The following GRIN2A variants were observed in gnomAD, a reference collection of about 807,000 sequenced individuals.
GRIN2A encodes the protein glutamate receptor ionotropic, NMDA 2A.
Under a neutral mutation model 113.4 loss-of-function variants are expected in GRIN2A, and 22 were observed. The ratio of observed to expected loss-of-function variants is 0.19; its 90% CI spans 0.14 to 0.28. GRIN2A has a LOEUF of 0.28. Ranked by LOEUF, GRIN2A falls within the 10% of genes least tolerant of loss-of-function variation. GRIN2A has a pLI of 1.00. For synonymous variants in GRIN2A, 827 were observed against 738.4 expected (o/e 1.12, Z -1.94); for missense variants, 1,502 against 1,887.0 (o/e 0.80, Z 3.78).
intron 2 of GRIN2A, among the ~76,000 whole-genome samples, chr16:10,014,970 C>G (rs1379589955): frequency 1.3e-5 from 2 of 151,914 alleles, no homozygotes; most frequent in African/African-American, 4.8e-5. Context: ...TAAGAAATAA[C>G]TGGACAGGTG....
rs1900450310 is a variant in GRIN2A, at chr16:9,758,525, C to G, written c.*4624G>C. 1 of 212,876 alleles carries G rather than the reference C, an allele frequency of 4.7e-6. No individual in the cohort carries two copies. Among genetic ancestry groups the G allele is most frequent in the Admixed American group, 5.9e-5 (1 of 17,014 alleles). The allele number at this position is 212,876 out of a possible 1,614,324, so 13.2% of individuals were successfully genotyped here. ...AGAATGGGTTTTCCATGTGTTAATA[C>G]CATCATCACCATTTAATTTTTAACA... On this transcript the variant is annotated 3_prime_UTR_variant, in exon 13 of 13. Transcript: ENST00000330684.
chr16:9,916,398 T>G (rs1010431462), intron 3 of GRIN2A, among the ~76,000 whole-genome samples: 12 of 152,156 alleles, frequency 7.9e-5, no homozygotes, highest in Admixed American at 7.9e-4. Flanking sequence ...GAGTAGGAGC[T>G]TTTCATACAC....
intron 2 of GRIN2A, among the ~76,000 whole-genome samples, chr16:10,086,890 G>T (rs1470803300): frequency 6.6e-6 from 1 of 152,178 alleles, no homozygotes; most frequent in Non-Finnish European, 1.5e-5. Context: ...CTAGCTGGAT[G>T]ATCCAGAATG....
chr16:9,891,033 G>A lies in GRIN2A; in HGVS notation c.1075C>T (p.Pro359Ser), dbSNP rs1465126724. The A allele has an allele frequency of 6.2e-7, 1 of 1,613,304 alleles. No individual in the cohort carries two copies. Among genetic ancestry groups the A allele is most frequent in the African/African-American group, 1.3e-5 (1 of 75,000 alleles). ...TTCAGCACAATCACCACCAGCCTGG[G>A]GTGCACCTGGTAGCCTTCCTCAGTG... ...SFTEEGYQVH[P>S]RLVVIVLNKD... Residue 359 changes from proline to serine, a missense_variant, in exon 4 of 13, where the codon CCC (proline) becomes TCC (serine). By Grantham distance (74) the Pro-to-Ser change is moderately conservative. Around this residue, in one of 7 missense-constraint regions of GRIN2A, gnomAD observed 334 missense variants for 403.0 expected, o/e 0.83. Coordinates refer to ENST00000330684, the MANE Select transcript of GRIN2A (RefSeq NM_001134407.3).
Position 9,755,874 on chromosome 16 carries a change from A to G in GRIN2A, c.*7275T>C, listed in dbSNP as rs1900332049. On this transcript the variant is annotated 3_prime_UTR_variant, in exon 13 of 13. Coordinates refer to ENST00000330684, the MANE Select transcript of GRIN2A (RefSeq NM_001134407.3). ...GGAAAAGAAAAAAAAAAAGGAACAG[A>G]CCAAGAAGGAAAACAACAACAACAT... The G allele has an allele frequency of 4.9e-6, 1 of 205,550 alleles. No individual in the cohort carries two copies. The highest frequency in any genetic ancestry group is 1.9e-4 in the South Asian group (1 of 5,274). 12.7% of individuals were successfully genotyped at this position (205,550 alleles called of 1,614,324 possible).
intron 10 of GRIN2A, among the ~76,000 whole-genome samples, chr16:9,806,727 A>G (rs2141255049): frequency 7.0e-6 from 1 of 142,090 alleles, no homozygotes; most frequent in South Asian, 2.2e-4. Context: ...AGAGAGGGAG[A>G]GAATAAAAAG....
intron 11 of GRIN2A, among the ~76,000 whole-genome samples, chr16:9,774,274 G>A (rs963030566): frequency 1.3e-5 from 2 of 152,184 alleles, no homozygotes; most frequent in Non-Finnish European, 2.9e-5. Context: ...AAGAAAGAAT[G>A]TTTCAGGTAG....
At position 9,756,584 on chromosome 16, in the gene GRIN2A, G is replaced by C; in HGVS notation, c.*6565C>G. On this transcript the variant is annotated 3_prime_UTR_variant, in exon 13 of 13. Transcript: ENST00000330684. ...GATTTACTAGCTAATTCTAGTTGCT[G>C]ACGAGGTTGAGAAAAACCTGAGCCT... 1 of 200,900 alleles carries C rather than the reference G, an allele frequency of 5.0e-6. No individual in the cohort carries two copies. Among genetic ancestry groups the C allele is most frequent in the Non-Finnish European group, 1.0e-5 (1 of 97,452 alleles). The allele number at this position is 200,900 out of a possible 1,614,324, so 12.4% of individuals were successfully genotyped here.
intron 2 of GRIN2A, among the ~76,000 whole-genome samples, chr16:10,016,615 T>C (rs1277321516): frequency 6.6e-6 from 1 of 152,112 alleles, no homozygotes; most frequent in Non-Finnish European, 1.5e-5. Context: ...TAATTGTCCA[T>C]AGGATAAATG....
chr16:10,170,999 T>A (rs1230402528), intron 2 of GRIN2A, among the ~76,000 whole-genome samples: 1 of 152,024 alleles, frequency 6.6e-6, no homozygotes, highest in African/African-American at 2.4e-5. Context: ...GTCTTTAGAG[T>A]GACTCCATCA....
At chr16:10,159,346 G>A (rs1453917990) in intron 2 of GRIN2A, among the ~76,000 whole-genome samples, 1 of 152,220 alleles carries the variant, frequency 6.6e-6, no homozygotes, top group Admixed American at 6.5e-5. Context: ...CCATGGCCAT[G>A]TCAAGGAGAG....
At chr16:10,032,053 T>C (rs1421213816) in intron 2 of GRIN2A, among the ~76,000 whole-genome samples, 1 of 152,242 alleles carries the variant, frequency 6.6e-6, no homozygotes, top group Non-Finnish European at 1.5e-5. Context: ...TTACAGCGCA[T>C]CGTATTTACT....
intron 2 of GRIN2A, among the ~76,000 whole-genome samples, chr16:9,972,414 G>A (rs1489119828): frequency 2.0e-5 from 3 of 152,030 alleles, no homozygotes; most frequent in Admixed American, 6.5e-5. Context: ...AAGAAATAGG[G>A]AAATCTGACC....
chr16:9,848,041 T>G (rs1471238264), intron 5 of GRIN2A, among the ~76,000 whole-genome samples: 1 of 146,924 alleles, frequency 6.8e-6, no homozygotes, highest in Non-Finnish European at 1.5e-5. Context: ...AAATGTTTTA[T>G]ATATTTTAAC....
chr16:10,032,487 T>C (rs1478156077), intron 2 of GRIN2A, among the ~76,000 whole-genome samples: 1 of 152,154 alleles, frequency 6.6e-6, no homozygotes, highest in East Asian at 1.9e-4. Flanking sequence ...AAAGTCAGTA[T>C]CTCATTGAAT....
At chr16:9,954,713 CA>C (rs1200160419) in intron 2 of GRIN2A, among the ~76,000 whole-genome samples, 1 of 152,074 alleles carries the variant, frequency 6.6e-6, no homozygotes, top group Non-Finnish European at 1.5e-5. Context: ...TAAAACAAAA[CA>C]AAACAAAAAG....
intron 2 of GRIN2A, among the ~76,000 whole-genome samples, chr16:10,147,455 C>CAA (rs367830700): frequency 0.034 from 2,478 of 72,902 alleles, 171 homozygotes; most frequent in African/African-American, 0.12. Context: ...ACTAAAAATA[C>CAA]AAAAAAAAAA....
chr16:9,755,317 G>A lies in GRIN2A; in HGVS notation c.*7832C>T, dbSNP rs1321622751. 2.7e-5 allele frequency: 5 copies of A among 186,288 alleles called. No homozygotes were observed. The highest frequency in any genetic ancestry group is 2.0e-4 in the South Asian group (1 of 5,092). 11.5% of individuals were successfully genotyped at this position (186,288 alleles called of 1,614,324 possible). A position where few individuals can be genotyped will look rare whatever the true frequency, so the allele number is the denominator to read the frequency against. On this transcript the variant is annotated 3_prime_UTR_variant, in exon 13 of 13. Coordinates refer to ENST00000330684, the MANE Select transcript of GRIN2A (RefSeq NM_001134407.3). The stretch of plus-strand genomic sequence containing the variant: ...GAGAAGAAATGCTATTGGTCAAATC[G>A]TTCTTTGGAGTGCTCCATTTCTGCA...
At chr16:10,148,965 C>T (rs1355621487) in intron 2 of GRIN2A, among the ~76,000 whole-genome samples, 1 of 152,150 alleles carries the variant, frequency 6.6e-6, no homozygotes, top group Non-Finnish European at 1.5e-5. Context: ...AAAAGCCAGA[C>T]ACAGATAGAC....
Sources: allele counts gnomAD v4.1 joint callset (sites outside exome capture counted in the v4.1 genomes callset), GRCh38; gene constraint gnomAD v4.1.1; regional missense constraint gnomAD v4.1.1; transcripts MANE v1.5; gene names NCBI Gene and HGNC (gene_info 2026-07-23, HGNC 2026-07-21).